Variants in TTC6 observed in about 807,000 individuals in gnomAD.
TTC6 encodes the protein tetratricopeptide repeat protein 6.
A neutral mutation model predicts 210.4 loss-of-function variants in TTC6; 172 were observed. The observed-to-expected ratio is 0.82, with a 90% confidence interval of 0.72 to 0.93. TTC6 has a LOEUF of 0.93. Ranked by LOEUF, TTC6 falls within the 40% of genes least tolerant of loss-of-function variation. The pLI, the probability that TTC6 is intolerant of heterozygous loss-of-function variation, is 0.00. For missense variants in TTC6, 2,414 were observed against 2,318.1 expected (o/e 1.04, Z -0.85); for synonymous variants, 804 against 819.6 (o/e 0.98, Z 0.32).
Position 37,640,638 on chromosome 14 carries a change from G to A in TTC6, c.939+17635G>A, listed in dbSNP as rs576437679. 8.5e-5 allele frequency among the ~76,000 whole-genome samples: 13 copies of A among 152,186 alleles called. No homozygotes were observed. In the East Asian group the frequency reaches 2.1e-3, roughly 25 times the overall value. On this transcript the variant is annotated intron_variant, in intron 1 of 30. Coordinates refer to ENST00000553443, the Ensembl canonical transcript of TTC6. The stretch of plus-strand genomic sequence containing the variant: ...GCTCACTGCAACCTCAGCCTCCTGG[G>A]TTCAAGCAGTTCTCCTGCCTCAGCC...
At chr14:37,799,915 C>T (rs1161255580) in intron 20 of TTC6, among the ~76,000 whole-genome samples, 1 of 152,104 alleles carries the variant, frequency 6.6e-6, no homozygotes, top group African/African-American at 2.4e-5. Flanking sequence ...GGCTCCTGGC[C>T]CCTCACCTCT....
At chr14:37,759,588 G>A (rs1038484244) in intron 14 of TTC6, among the ~76,000 whole-genome samples, 1 of 152,202 alleles carries the variant, frequency 6.6e-6, no homozygotes, top group Non-Finnish European at 1.5e-5. Flanking sequence ...ACATCCTGAA[G>A]TGTGTTTTCC....
At chr14:37,756,116 T>A (rs571355237) in intron 14 of TTC6, among the ~76,000 whole-genome samples, 2 of 152,344 alleles carry the variant, frequency 1.3e-5, no homozygotes, top group South Asian at 4.1e-4. Context: ...GTAGCAATTG[T>A]GAATGGGAGT....
intron 10 of TTC6, among the ~76,000 whole-genome samples, chr14:37,742,174 C>T (rs981144617): frequency 6.6e-6 from 1 of 152,182 alleles, no homozygotes; most frequent in African/African-American, 2.4e-5. Context: ...CAATGGCGTT[C>T]CTATCCCTCT....
chr14:37,794,160 A>C (rs2096086807), intron 17 of TTC6, among the ~76,000 whole-genome samples: 2 of 152,208 alleles, frequency 1.3e-5, no homozygotes, highest in South Asian at 4.1e-4. Flanking sequence ...GAACAGGTAT[A>C]GCAATGTGGA....
At chr14:37,823,638 A>G (rs2096163247) in intron 26 of TTC6, 109 bp from the exon 29 acceptor site, 4 of 962,132 alleles carry the variant, frequency 4.2e-6, no homozygotes, top group Non-Finnish European at 6.1e-6. Flanking sequence ...AGATTTTTTA[A>G]TGAGTCAATT....
intron 9 of TTC6, 58 bp downstream of exon 11, chr14:37,737,792 A>G: frequency 1.1e-6 from 1 of 940,764 alleles, no homozygotes; most frequent in Non-Finnish European, 1.5e-6. Context: ...CCTAGGAATA[A>G]TAATCACCTT....
chr14:37,789,131 TGCTAA>T (rs937803783), intron 15 of TTC6, among the ~76,000 whole-genome samples: 4 of 152,326 alleles, frequency 2.6e-5, no homozygotes, highest in African/African-American at 9.6e-5. Flanking sequence ...CAAGATATTT[TGCTAA>T]GCTAATAATA....
rs112579286 is a variant in TTC6, at chr14:37,817,628, C to T, written c.4740C>T (p.His1580=). The T allele has an allele frequency of 2.1e-4, 344 of 1,613,990 alleles. 1 individual carries two copies. The highest frequency in any genetic ancestry group is 4.9e-4 in the East Asian group (22 of 44,870). Residue 1580 remains histidine, a synonymous_variant, in exon 26 of 31, where the codon CAC becomes CAT. Transcript: ENST00000553443. ...GCCGGACTAACGGGAGCCTTTGTCA[C>T]GCCACTGCCATGTGCCATCACAGGT... is the stretch of plus-strand genomic sequence containing the variant.
exon 15 of TTC6, chr14:37,787,567 G>T (rs774141984): frequency 9.8e-6 from 15 of 1,529,434 alleles, no homozygotes; most frequent in Middle Eastern, 1.7e-4. Flanking sequence ...ACTGGTTAGC[G>T]TTGTATTATC....
chr14:37,692,013 G>C (rs574016832), intron 3 of TTC6, among the ~76,000 whole-genome samples: 1 of 151,570 alleles, frequency 6.6e-6, no homozygotes, highest in African/African-American at 2.4e-5. Flanking sequence ...CCCATAACAG[G>C]TAACAAGATC....
At chr14:37,796,554 GA>G (rs1430788598) in intron 19 of TTC6, among the ~76,000 whole-genome samples, 184 bp downstream of exon 21, 7 of 152,078 alleles carry the variant, frequency 4.6e-5, no homozygotes, top group African/African-American at 1.7e-4. Context: ...TTGTGAGAGA[GA>G]ATTTTTATGG....
At chr14:37,677,675 A>G (rs1201304161) in intron 1 of TTC6, among the ~76,000 whole-genome samples, 1 of 151,366 alleles carries the variant, frequency 6.6e-6, no homozygotes, top group Non-Finnish European at 1.5e-5. Flanking sequence ...CCTTTCTGGA[A>G]CCCCAATTAA....
intron 14 of TTC6, among the ~76,000 whole-genome samples, chr14:37,759,109 A>G (rs2095976321): frequency 6.6e-6 from 1 of 151,902 alleles, no homozygotes; most frequent in South Asian, 2.1e-4. Context: ...TGTCTCTACT[A>G]AAAATTAGCC....
In TTC6 at chr14:37,649,260, C is replaced by T. The variant is rs569922779; in HGVS notation, c.939+26257C>T. Among the ~76,000 whole-genome samples, 7 of 152,246 alleles carry T rather than the reference C, an allele frequency of 4.6e-5. No individual in the cohort carries two copies. The South Asian group carries it at 1.2e-3, about 27-fold the overall frequency. On this transcript the variant is annotated intron_variant, in intron 1 of 30. Coordinates refer to ENST00000553443, the Ensembl canonical transcript of TTC6. ...TAATGCTCCACCTGCCTTGACACTC[C>T]GTAGGGCTGTTTCTTCTCTGGGATC...
chr14:37,711,432 G>T (rs1221106868), intron 5 of TTC6, among the ~76,000 whole-genome samples: 1 of 152,162 alleles, frequency 6.6e-6, no homozygotes, highest in African/African-American at 2.4e-5. Flanking sequence ...ATTTGTAAAG[G>T]TCTCGTGGAG....
At chr14:37,806,286 C>T in intron 21 of TTC6, 75 bp from the exon 24 acceptor site, 3 of 1,355,112 alleles carry the variant, frequency 2.2e-6, no homozygotes, top group African/African-American at 1.5e-5. Flanking sequence ...TAATTATATA[C>T]TGTAATTCGT....
chr14:37,660,029 A>C (rs1200324084), intron 1 of TTC6, among the ~76,000 whole-genome samples: 2 of 152,050 alleles, frequency 1.3e-5, no homozygotes. Context: ...AGTTTGCAAA[A>C]ATTTTCTCTC....
intron 5 of TTC6, among the ~76,000 whole-genome samples, chr14:37,711,507 G>A (rs1313722402): frequency 6.6e-6 from 1 of 152,094 alleles, no homozygotes; most frequent in African/African-American, 2.4e-5. Flanking sequence ...TTACTATAAT[G>A]GCCTGTTGAT....
Sources: gnomAD v4.1 joint callset for allele counts (sites outside exome capture counted in the v4.1 genomes callset) on GRCh38, gnomAD v4.1.1 for gene constraint, MANE v1.5 for transcripts, NCBI Gene and HGNC (gene_info 2026-07-23, HGNC 2026-07-21) for gene names.